The following LHFPL2 variants were observed in gnomAD, a reference collection of about 807,000 sequenced individuals.
LHFPL2 encodes the protein LHFPL tetraspan subfamily member 2 protein.
In LHFPL2, 7 loss-of-function variants were observed where a neutral mutation model predicts 17.5. The observed-to-expected ratio is 0.40, with a 90% CI of 0.23 to 0.75. The LOEUF (loss-of-function observed/expected upper bound fraction) is 0.75, where lower values mean the gene tolerates loss of function less well. LHFPL2 is among the 30% of genes least tolerant of loss of function. LHFPL2 has a pLI of 0.37. For synonymous variants in LHFPL2, 134 were observed against 116.2 expected (o/e 1.15, Z -0.99); for missense variants, 241 against 294.8 (o/e 0.82, Z 1.34).
chr5:78,584,734 T>C (rs1743300533), intron 2 of LHFPL2, among the ~76,000 whole-genome samples: 1 of 152,114 alleles, frequency 6.6e-6, no homozygotes, highest in African/African-American at 2.4e-5. Context: ...TTGCTGTCTT[T>C]TTGTTTGTCT....
At position 78,510,314 on chromosome 5, in the gene LHFPL2, C is replaced by T. The variant is rs1407872669; in HGVS notation, c.-101G>A. Reference sequence around the variant, plus strand: ...CTCGGGCGGCCCGGGAAGGAAGTCGCAGCTGCAGTCATTCACTCCCGCCGC... The same window carrying T: ...CTCGGGCGGCCCGGGAAGGAAGTCGTAGCTGCAGTCATTCACTCCCGCCGC... On this transcript the variant is annotated 5_prime_UTR_variant, in exon 4 of 5. Transcript: ENST00000380345. The T allele has an allele frequency of 4.3e-6, 5 of 1,168,432 alleles. No individual in the cohort carries two copies. The Admixed American group carries it at 1.4e-4, about 33-fold the overall frequency. 72.4% of individuals were successfully genotyped at this position (1,168,432 alleles called of 1,614,324 possible).
At chr5:78,531,786 G>C in intron 3 of LHFPL2, among the ~76,000 whole-genome samples, 1 of 152,120 alleles carries the variant, frequency 6.6e-6, no homozygotes, top group Non-Finnish European at 1.5e-5. Flanking sequence ...CTTGAGACAG[G>C]GTCTCGATCT....
chr5:78,645,540 GCATACA>G (rs200179016), intron 1 of LHFPL2, among the ~76,000 whole-genome samples: 14 of 86,206 alleles, frequency 1.6e-4, no homozygotes, highest in Non-Finnish European at 3.2e-4. Context: ...ACAGACAGAT[GCATACA>G]CACACACACA....
intron 1 of LHFPL2, among the ~76,000 whole-genome samples, chr5:78,646,739 A>G (rs1214739606): frequency 1.3e-5 from 2 of 152,210 alleles, no homozygotes; most frequent in Admixed American, 1.3e-4. Flanking sequence ...ACTGGGTGCC[A>G]TCAACACCGA....
chr5:78,604,607 G>A (rs553382585), intron 2 of LHFPL2, among the ~76,000 whole-genome samples: 3 of 152,208 alleles, frequency 2.0e-5, no homozygotes, highest in Non-Finnish European at 4.4e-5. Flanking sequence ...TTCAAACAGA[G>A]AATAATAATA....
At chr5:78,602,191 T>C (rs1178741843) in intron 2 of LHFPL2, among the ~76,000 whole-genome samples, 3 of 151,614 alleles carry the variant, frequency 2.0e-5, no homozygotes, top group African/African-American at 2.4e-5. Flanking sequence ...TTAAAGGAGA[T>C]GATGATGGCA....
At chr5:78,503,291 T>C (rs545429818) in intron 4 of LHFPL2, among the ~76,000 whole-genome samples, 65 of 152,358 alleles carry the variant, frequency 4.3e-4, no homozygotes, top group African/African-American at 1.6e-3. Flanking sequence ...GACAATTAAG[T>C]AGTTGCCATG....
At position 78,485,813 on chromosome 5, in the gene LHFPL2, G is replaced by C. The variant is rs754184802; in HGVS notation, c.*3084C>G. 6.6e-6 allele frequency: 1 copy of C among 152,610 alleles called. No homozygotes were observed. Among genetic ancestry groups the C allele is most frequent in the Non-Finnish European group, 1.5e-5 (1 of 68,036 alleles). The allele number at this position is 152,610 out of a possible 1,614,324, so 9.5% of individuals were successfully genotyped here. A position where few individuals can be genotyped will look rare whatever the true frequency, so the allele number is the denominator to read the frequency against. ...AAGACTAGCATTAACTGGGCCTGGC[G>C]TGCGGGCTTAACTTTGACATAACAC... On this transcript the variant is annotated 3_prime_UTR_variant, in exon 5 of 5. Coordinates refer to ENST00000380345, the MANE Select transcript of LHFPL2 (RefSeq NM_005779.3).
intron 2 of LHFPL2, among the ~76,000 whole-genome samples, chr5:78,592,623 C>A (rs1194260185): frequency 1.4e-5 from 1 of 72,634 alleles, no homozygotes; most frequent in African/African-American, 4.2e-5. Context: ...AATTCAGATA[C>A]ACACACACAC....
At chr5:78,629,079 G>C (rs539145678) in intron 2 of LHFPL2, among the ~76,000 whole-genome samples, 36 of 152,288 alleles carry the variant, frequency 2.4e-4, no homozygotes, top group African/African-American at 8.2e-4. Context: ...CATTAAAAAA[G>C]ATGGATGAGG....
intron 3 of LHFPL2, among the ~76,000 whole-genome samples, chr5:78,532,136 C>G (rs1755802217): frequency 6.6e-6 from 1 of 152,158 alleles, no homozygotes; most frequent in Non-Finnish European, 1.5e-5. Flanking sequence ...GTTGGCCAGG[C>G]TGGTCTCGGA....
intron 3 of LHFPL2, among the ~76,000 whole-genome samples, chr5:78,514,443 C>T (rs916929840): frequency 2.6e-5 from 4 of 152,078 alleles, no homozygotes; most frequent in African/African-American, 4.8e-5. Flanking sequence ...TTCAAAATGG[C>T]TGGTCTGTGG....
intron 2 of LHFPL2, among the ~76,000 whole-genome samples, chr5:78,624,299 T>C (rs1475637670): frequency 6.6e-6 from 1 of 152,128 alleles, no homozygotes; most frequent in Admixed American, 6.6e-5. Context: ...AAGGGTTGTA[T>C]AAAGCAGGCA....
chr5:78,576,923 T>C (rs1197487549), intron 2 of LHFPL2, among the ~76,000 whole-genome samples: 4 of 152,226 alleles, frequency 2.6e-5, no homozygotes, highest in Non-Finnish European at 4.4e-5. Context: ...CCAGCAAACT[T>C]GATCATTGGC....
chr5:78,488,778 C>G lies in LHFPL2; in HGVS notation c.*119G>C. On this transcript the variant is annotated 3_prime_UTR_variant, in exon 5 of 5. Coordinates refer to ENST00000380345, the MANE Select transcript of LHFPL2 (RefSeq NM_005779.3). ...CCTCTCATTGGTCCTGTTTAAGCCT[C>G]GGGCCGTGGAACGTGGCTTTGGTAG... The G allele has an allele frequency of 1.7e-6, 2 of 1,183,684 alleles. No homozygotes were observed. Among genetic ancestry groups the G allele is most frequent in the Non-Finnish European group, 1.2e-6 (1 of 827,364 alleles). 73.3% of individuals were successfully genotyped at this position (1,183,684 alleles called of 1,614,324 possible). A position where few individuals can be genotyped will look rare whatever the true frequency, so the allele number is the denominator to read the frequency against.
chr5:78,584,199 A>G (rs1225517206), intron 2 of LHFPL2, among the ~76,000 whole-genome samples: 8 of 149,304 alleles, frequency 5.4e-5, no homozygotes, highest in Non-Finnish European at 7.4e-5. Flanking sequence ...TTTTTTTCAA[A>G]GTTTTCAACT....
At chr5:78,586,346 C>T (rs573838532) in intron 2 of LHFPL2, among the ~76,000 whole-genome samples, 8 of 152,316 alleles carry the variant, frequency 5.3e-5, no homozygotes, top group Middle Eastern at 6.8e-3. Context: ...TTTCATGCTG[C>T]CCCATTTGAT....
chr5:78,486,416 A>ATTTT lies in LHFPL2; in HGVS notation c.*2480_*2481insAAAA, dbSNP rs1754243346. ...TTAGAAAAATAAGTGTGAGCCAACA[A>ATTTT]TCTATTTTTAACATTTCTTTCTAGC... On this transcript the variant is annotated 3_prime_UTR_variant, in exon 5 of 5. Coordinates refer to ENST00000380345, the MANE Select transcript of LHFPL2 (RefSeq NM_005779.3). 1 of 152,192 alleles carries ATTTT rather than the reference A, an allele frequency of 6.6e-6. No homozygotes were observed. The highest frequency in any genetic ancestry group is 6.5e-5 in the Admixed American group (1 of 15,282). The allele number at this position is 152,192 out of a possible 1,614,324, so 9.4% of individuals were successfully genotyped here.
In LHFPL2 at chr5:78,622,864, C is replaced by G. The variant is rs150854210; in HGVS notation, c.-245+9400G>C. On this transcript the variant is annotated intron_variant, in intron 2 of 4. Coordinates refer to ENST00000380345, the MANE Select transcript of LHFPL2 (RefSeq NM_005779.3). Reference sequence around the variant, plus strand: ...GACCAGAAGATACAGACTGAGACACCACTGAGGCCTGCCTAGCTGGAGGAA... The same window carrying G: ...GACCAGAAGATACAGACTGAGACACGACTGAGGCCTGCCTAGCTGGAGGAA... 1.7e-3 allele frequency among the ~76,000 whole-genome samples: 264 copies of G among 152,218 alleles called. 1 individual carries two copies. Among genetic ancestry groups the G allele is most frequent in the African/African-American group, 5.8e-3 (241 of 41,530 alleles).
Sources: gnomAD v4.1 joint callset for allele counts (sites outside exome capture counted in the v4.1 genomes callset) on GRCh38, gnomAD v4.1.1 for gene constraint, MANE v1.5 for transcripts, NCBI Gene and HGNC (gene_info 2026-07-23, HGNC 2026-07-21) for gene names.